TENM3: variants seen among roughly 807,000 people sequenced by gnomAD.
The protein encoded by TENM3 is teneurin transmembrane protein 3, also known as teneurin-3.
Under a neutral mutation model 255.1 loss-of-function variants are expected in TENM3, and 63 were observed. The observed-to-expected ratio is 0.25, with a 90% CI of 0.20 to 0.30. The LOEUF (loss-of-function observed/expected upper bound fraction) is 0.30, where lower values mean the gene tolerates loss of function less well. Ranked by LOEUF, TENM3 falls within the 10% of genes least tolerant of loss-of-function variation. The pLI is 1.00. For synonymous variants in TENM3, 1,306 were observed against 1,322.3 expected (o/e 0.99, Z 0.27); for missense variants, 2,929 against 3,461.1 (o/e 0.85, Z 3.86).
the TENM3 span, among the ~76,000 whole-genome samples, chr4:181,769,899 C>T: frequency 1.4e-4 from 21 of 152,106 alleles, no homozygotes; most frequent in South Asian, 4.2e-3. Context: ...TTTATAGAGC[C>T]TAAAACTAAG....
Position 182,346,631 on chromosome 4 carries a change from C to G in TENM3, c.233-20C>G. On this transcript the variant is annotated intron_variant, in intron 2 of 27. Coordinates refer to ENST00000511685, the MANE Select transcript of TENM3 (RefSeq NM_001080477.4). ...TGAACATATACTCACTAGTTGTTAT[C>G]TTTTTTTCCCCCTAATTAGGACAGA... 1 of 1,603,416 alleles carries G rather than the reference C, an allele frequency of 6.2e-7. No individual in the cohort carries two copies. Among genetic ancestry groups the G allele is most frequent in the Non-Finnish European group, 8.5e-7 (1 of 1,172,330 alleles).
At chr4:182,582,186 A>T (rs546151433) in intron 3 of TENM3, among the ~76,000 whole-genome samples, 1 of 152,350 alleles carries the variant, frequency 6.6e-6, no homozygotes, top group African/African-American at 2.4e-5. Context: ...TAAAGCAAGC[A>T]TTCTTCCATT....
the TENM3 span, among the ~76,000 whole-genome samples, chr4:181,750,904 G>A: frequency 6.6e-6 from 1 of 152,128 alleles, no homozygotes; most frequent in Admixed American, 6.6e-5. Context: ...TTTAGAAAAG[G>A]ACAATCAATT....
intron 5 of TENM3, among the ~76,000 whole-genome samples, chr4:182,637,848 A>T (rs1751969611): frequency 6.6e-6 from 1 of 152,246 alleles, no homozygotes; most frequent in Admixed American, 6.5e-5. Context: ...GAATCTGAGC[A>T]TTCAAGATTT....
chr4:182,096,928 A>G, the TENM3 span, among the ~76,000 whole-genome samples: 1 of 152,346 alleles, frequency 6.6e-6, no homozygotes, highest in African/African-American at 2.4e-5. Context: ...CTTAAAAGAC[A>G]TCCACTTTTG....
the TENM3 span, among the ~76,000 whole-genome samples, chr4:181,733,719 A>G: frequency 6.6e-6 from 1 of 152,308 alleles, no homozygotes; most frequent in South Asian, 2.1e-4. Context: ...GAATCAAGAA[A>G]GTTGTATCTT....
chr4:181,460,257 A>G, the TENM3 span, among the ~76,000 whole-genome samples: 674 of 152,142 alleles, frequency 4.4e-3, 1 homozygote, highest in African/African-American at 0.015. Context: ...CAATGTGTGA[A>G]TAAAGGCAGT....
intron 3 of TENM3, among the ~76,000 whole-genome samples, chr4:182,379,840 G>A (rs1767446762): frequency 6.6e-6 from 1 of 152,108 alleles, no homozygotes; most frequent in Admixed American, 6.5e-5. Flanking sequence ...GTCAATCAAG[G>A]GGGTTAAATG....
chr4:182,359,200 C>T (rs1223704332), intron 3 of TENM3, among the ~76,000 whole-genome samples: 1 of 152,130 alleles, frequency 6.6e-6, no homozygotes, highest in Non-Finnish European at 1.5e-5. Flanking sequence ...TGTGTCTCTG[C>T]CCGGCTTTGG....
chr4:182,099,015 G>A, the TENM3 span, among the ~76,000 whole-genome samples: 5 of 142,606 alleles, frequency 3.5e-5, no homozygotes, highest in African/African-American at 1.0e-4. Flanking sequence ...AGGCTGGAGT[G>A]CAGTGGGGTG....
At chr4:181,467,238 T>C in the TENM3 span, among the ~76,000 whole-genome samples, 1 of 147,466 alleles carries the variant, frequency 6.8e-6, no homozygotes, top group Admixed American at 6.8e-5. Flanking sequence ...TAAGCAATTC[T>C]CCTTGTCTCA....
chr4:181,524,310 T>G, the TENM3 span, among the ~76,000 whole-genome samples: 1 of 152,166 alleles, frequency 6.6e-6, no homozygotes, highest in Non-Finnish European at 1.5e-5. Flanking sequence ...TCCTAATGGA[T>G]TGATTAGGAT....
the TENM3 span, among the ~76,000 whole-genome samples, chr4:181,520,983 C>T: frequency 6.6e-6 from 1 of 152,190 alleles, no homozygotes; most frequent in Non-Finnish European, 1.5e-5. Context: ...GAGAAAATCC[C>T]AGAGGGCATG....
At chr4:181,571,128 G>C in the TENM3 span, among the ~76,000 whole-genome samples, 4 of 152,140 alleles carry the variant, frequency 2.6e-5, no homozygotes, top group South Asian at 4.1e-4. Context: ...AGCCGGTGCT[G>C]TTCCTCAATT....
At chr4:182,732,920 A>G (rs34479914) in intron 16 of TENM3, among the ~76,000 whole-genome samples, 8,081 of 152,286 alleles carry the variant, frequency 0.053, 325 homozygotes, top group African/African-American at 0.12. Flanking sequence ...CAGCTTTGTC[A>G]TATTCATTCT....
At chr4:181,873,540 A>G in the TENM3 span, among the ~76,000 whole-genome samples, 1 of 152,084 alleles carries the variant, frequency 6.6e-6, no homozygotes, top group Non-Finnish European at 1.5e-5. Flanking sequence ...TTTTATTTCC[A>G]AATAATTGGG....
At chr4:182,664,906 C>T (rs1044569123) in intron 6 of TENM3, among the ~76,000 whole-genome samples, 12 of 152,156 alleles carry the variant, frequency 7.9e-5, no homozygotes, top group Non-Finnish European at 1.6e-4. Context: ...GTTTGAGGAA[C>T]GAACCCGTCT....
intron 3 of TENM3, among the ~76,000 whole-genome samples, chr4:182,393,402 A>C (rs1768575538): frequency 6.6e-6 from 1 of 152,254 alleles, no homozygotes; most frequent in African/African-American, 2.4e-5. Context: ...TAAAATAAGC[A>C]GCAGGAGGGA....
At chr4:182,274,601 G>A (rs1011522199) in intron 1 of TENM3, among the ~76,000 whole-genome samples, 6 of 152,132 alleles carry the variant, frequency 3.9e-5, no homozygotes, top group Admixed American at 1.3e-4. Flanking sequence ...CTGCTTAACC[G>A]CAGCATCCTG....
Sources: gnomAD v4.1 joint callset for allele counts (sites outside exome capture counted in the v4.1 genomes callset) on GRCh38, gnomAD v4.1.1 for gene constraint, MANE v1.5 for transcripts, NCBI Gene and HGNC (gene_info 2026-07-23, HGNC 2026-07-21) for gene names.